The following KCNN2 variants were observed in gnomAD, a reference collection of about 807,000 sequenced individuals.
KCNN2 encodes small conductance calcium-activated potassium channel protein 2.
In KCNN2, 24 loss-of-function variants were observed where a neutral mutation model predicts 55.5. The ratio of observed to expected loss-of-function variants is 0.43; its 90% CI spans 0.31 to 0.61. The LOEUF is 0.61. KCNN2 is among the 20% of genes least tolerant of loss of function. The pLI, the probability that KCNN2 is intolerant of heterozygous loss-of-function variation, is 0.08. For synonymous variants in KCNN2, 431 were observed against 336.1 expected (o/e 1.28, Z -3.09); for missense variants, 754 against 853.6 (o/e 0.88, Z 1.45).
chr5:114,119,886 C>T (rs977149627), intron 1 of KCNN2, among the ~76,000 whole-genome samples: 9 of 152,076 alleles, frequency 5.9e-5, no homozygotes, highest in Admixed American at 5.2e-4. Flanking sequence ...GTCTTGGTGT[C>T]TCGCATAGGT....
At chr5:114,413,700 C>T (rs1174771770) in intron 3 of KCNN2, among the ~76,000 whole-genome samples, 1 of 152,112 alleles carries the variant, frequency 6.6e-6, no homozygotes, top group Non-Finnish European at 1.5e-5. Context: ...TTGAAAATAC[C>T]AGCACTGTTA....
intron 2 of KCNN2, among the ~76,000 whole-genome samples, chr5:114,403,653 A>T (rs1314468204): frequency 6.6e-6 from 1 of 152,174 alleles, no homozygotes; most frequent in Non-Finnish European, 1.5e-5. Flanking sequence ...GAAGAGAGGA[A>T]GATACTCTTT....
intron 2 of KCNN2, among the ~76,000 whole-genome samples, chr5:114,264,820 G>A (rs4368719): frequency 0.86 from 130,189 of 152,204 alleles, 55,770 homozygotes; most frequent in East Asian, 0.94. Flanking sequence ...GCTTTGCTCC[G>A]TAGGTTATAT....
chr5:114,102,875 C>A (rs560160328), intron 1 of KCNN2, among the ~76,000 whole-genome samples: 9 of 152,118 alleles, frequency 5.9e-5, no homozygotes, highest in African/African-American at 2.2e-4. Context: ...TAGCGTGATG[C>A]CTCCAGCTTT....
chr5:114,349,284 G>C (rs1757167074), intron 2 of KCNN2, among the ~76,000 whole-genome samples: 1 of 152,024 alleles, frequency 6.6e-6, no homozygotes, highest in Non-Finnish European at 1.5e-5. Context: ...TACAGGTTGA[G>C]AATCCCTAAT....
rs1349919360 is a variant in KCNN2, at chr5:114,272,339, CAT to C, written c.-185+50779_-185+50780del. Among the ~76,000 whole-genome samples, 47 of 100,686 alleles carry C rather than the reference CAT, an allele frequency of 4.7e-4. 4 individuals are homozygous for C. The highest frequency in any genetic ancestry group is 1.4e-3 in the African/African-American group (43 of 29,892). The allele number at this position is 100,686 out of a possible 152,430, so 66.1% of individuals were successfully genotyped here. On this transcript the variant is annotated intron_variant, in intron 2 of 10. Coordinates refer to the KCNN2 transcript ENST00000512097. ...ACATATATGTATGTACATATACACA[CAT>C]ATATGTATGTACATACCATATACAC...
chr5:114,418,043 G>C (rs1210484103), intron 3 of KCNN2, among the ~76,000 whole-genome samples: 1 of 152,130 alleles, frequency 6.6e-6, no homozygotes, highest in African/African-American at 2.4e-5. Flanking sequence ...TATAACAATA[G>C]AAGAATGATA....
At chr5:114,062,052 T>C (rs1239063357) in intron 1 of KCNN2, among the ~76,000 whole-genome samples, 1 of 152,136 alleles carries the variant, frequency 6.6e-6, no homozygotes, top group Non-Finnish European at 1.5e-5. Context: ...ACAGAATACA[T>C]CATTGATTAA....
chr5:114,352,143 G>A (rs972261946), intron 2 of KCNN2, among the ~76,000 whole-genome samples: 2 of 151,430 alleles, frequency 1.3e-5, no homozygotes, highest in Admixed American at 6.6e-5. Flanking sequence ...ACTTAATCAC[G>A]GTCAGTTTTT....
intron 1 of KCNN2, among the ~76,000 whole-genome samples, chr5:114,130,632 G>A (rs1237669533): frequency 6.6e-6 from 1 of 152,092 alleles, no homozygotes; most frequent in Non-Finnish European, 1.5e-5. Context: ...GTCTGTTTTT[G>A]TGCCTATAGT....
intron 1 of KCNN2, among the ~76,000 whole-genome samples, chr5:114,113,560 G>A (rs1751648004): frequency 6.6e-6 from 1 of 152,026 alleles, no homozygotes; most frequent in African/African-American, 2.4e-5. Flanking sequence ...TTAACACAGG[G>A]GCCTTCCTAG....
At chr5:114,112,872 C>T (rs1751629679) in intron 1 of KCNN2, among the ~76,000 whole-genome samples, 1 of 152,026 alleles carries the variant, frequency 6.6e-6, no homozygotes, top group African/African-American at 2.4e-5. Context: ...CTAATGGGAT[C>T]TTTTTGCATC....
chr5:114,090,673 G>C (rs1275407490), intron 1 of KCNN2, among the ~76,000 whole-genome samples: 4 of 151,810 alleles, frequency 2.6e-5, no homozygotes, highest in Non-Finnish European at 4.4e-5. Flanking sequence ...AAGAACATTT[G>C]AATAGAGCTT....
chr5:114,141,472 T>C (rs182252132), intron 1 of KCNN2, among the ~76,000 whole-genome samples: 16 of 152,298 alleles, frequency 1.1e-4, no homozygotes, highest in African/African-American at 3.8e-4. Flanking sequence ...CATCCTTTTT[T>C]ATGACTGCAT....
At chr5:114,474,140 G>A (rs1415852099) in intron 5 of KCNN2, among the ~76,000 whole-genome samples, 1 of 152,152 alleles carries the variant, frequency 6.6e-6, no homozygotes, top group Non-Finnish European at 1.5e-5. Flanking sequence ...CCAACTTCCA[G>A]TAGTGTTTTC....
chr5:114,150,036 G>A (rs971572296), intron 1 of KCNN2, among the ~76,000 whole-genome samples: 1 of 152,130 alleles, frequency 6.6e-6, no homozygotes, highest in African/African-American at 2.4e-5. Context: ...TCTTGGTGAT[G>A]TGAAACCTCC....
At chr5:114,363,282 C>A (rs754526573) in intron 1 of KCNN2, 21 bp downstream of exon 1, 4 of 1,568,100 alleles carry the variant, frequency 2.6e-6, no homozygotes, top group Admixed American at 1.8e-5. Context: ...GAACCCCAGC[C>A]CACGCTACCG....
chr5:114,267,333 T>C (rs1417793038), intron 2 of KCNN2, among the ~76,000 whole-genome samples: 2 of 152,166 alleles, frequency 1.3e-5, no homozygotes, highest in Admixed American at 1.3e-4. Flanking sequence ...GGCAGGCTTT[T>C]TCGTGTGAGC....
intron 3 of KCNN2, among the ~76,000 whole-genome samples, chr5:114,407,567 C>T (rs1758976971): frequency 6.6e-6 from 1 of 152,098 alleles, no homozygotes; most frequent in Non-Finnish European, 1.5e-5. Context: ...GTTTTAGGAG[C>T]TTTGCATACA....
Sources: gnomAD v4.1 joint callset for allele counts (sites outside exome capture counted in the v4.1 genomes callset) on GRCh38, gnomAD v4.1.1 for gene constraint, MANE v1.5 for transcripts, NCBI Gene and HGNC (gene_info 2026-07-23, HGNC 2026-07-21) for gene names.